ACOT9: variants seen among roughly 807,000 people sequenced by gnomAD.
ACOT9 encodes acyl-CoA thioesterase 9, also known as acyl-coenzyme A thioesterase 9, mitochondrial.
Under a neutral mutation model 39.7 loss-of-function variants are expected in ACOT9, and 34 were observed. That is an observed-to-expected ratio of 0.86 (90% CI 0.65 to 1.14). The LOEUF (loss-of-function observed/expected upper bound fraction) is 1.14, where lower values mean the gene tolerates loss of function less well. Among genes scored for constraint, ACOT9 ranks in the 50% most tolerant of loss-of-function variants. The pLI is 0.00. For missense variants in ACOT9, 313 were observed against 344.1 expected (o/e 0.91, Z 0.71); for synonymous variants, 110 against 120.5 (o/e 0.91, Z 0.57).
In ACOT9 at chrX:23,743,274, A is replaced by T; in HGVS notation, c.-130T>A. On this transcript the variant is annotated 5_prime_UTR_variant, in exon 1 of 16. Coordinates refer to ENST00000379303, the MANE Select transcript of ACOT9 (RefSeq NM_001037171.2). ...GCTGAGGACAGCCCGGGAGCCGGAC[A>T]GCGGTGTCCGGGGGCGGGACCGCGG... The T allele has an allele frequency of 5.9e-6, 5 of 851,452 alleles. No homozygotes were observed. Among genetic ancestry groups the T allele is most frequent in the South Asian group, 4.0e-5 (1 of 25,182 alleles). 70.2% of individuals were successfully genotyped at this position (851,452 alleles called of 1,213,427 possible).
At chrX:23,720,509 C>A (rs1470602444) in intron 8 of ACOT9, among the ~76,000 whole-genome samples, 1 of 111,330 alleles carries the variant, frequency 9.0e-6, no homozygotes, top group Admixed American at 9.7e-5. Context: ...GAGACAGAGA[C>A]ACATGAGAGA....
intron 1 of ACOT9, among the ~76,000 whole-genome samples, chrX:23,739,520 A>G (rs896023667): frequency 4.5e-5 from 5 of 110,975 alleles, no homozygotes; most frequent in Non-Finnish European, 9.4e-5. Context: ...ATCAAAAAGA[A>G]CCAGGCTGGG....
chrX:23,704,540 T>C (rs1027345745), intron 15 of ACOT9, among the ~76,000 whole-genome samples, 154 bp downstream of exon 15: 3 of 110,517 alleles, frequency 2.7e-5, no homozygotes, highest in African/African-American at 9.9e-5. Flanking sequence ...ACAGGCATCT[T>C]TGGCCTTCAG....
At chrX:23,735,105 T>G (rs5925893) in intron 2 of ACOT9, among the ~76,000 whole-genome samples, 21,378 of 103,584 alleles carry the variant, frequency 0.21, 1,995 homozygotes, top group East Asian at 0.4. Context: ...AAACTCCATC[T>G]CTCCTAAAAA....
At chrX:23,713,911 T>C (rs1453644719) in intron 8 of ACOT9, among the ~76,000 whole-genome samples, 1 of 110,772 alleles carries the variant, frequency 9.0e-6, no homozygotes, top group Non-Finnish European at 1.9e-5. Context: ...TGGTGGTGCA[T>C]GCCTGTAGTA....
In ACOT9 at chrX:23,730,727, A is replaced by G. The variant is rs1031953418; in HGVS notation, c.362+89T>C. 5.9e-6 allele frequency: 6 copies of G among 1,012,777 alleles called. No individual in the cohort carries two copies. The East Asian group carries it at 1.6e-4, about 26-fold the overall frequency. 83.5% of individuals were successfully genotyped at this position (1,012,777 alleles called of 1,213,427 possible). On this transcript the variant is annotated intron_variant, in intron 5 of 15. Transcript: ENST00000379303. ...AACCATGGAACTGTACACTTTAAAC[A>G]GGCGAATTGTATGGTGTGTGAATTA...
At chrX:23,742,368 G>C (rs913006187) in intron 1 of ACOT9, among the ~76,000 whole-genome samples, 2 of 110,456 alleles carry the variant, frequency 1.8e-5, no homozygotes, top group Non-Finnish European at 3.8e-5. Flanking sequence ...AACTGGAGCA[G>C]GTGTGAGCCC....
At chrX:23,734,448 T>TACA in intron 2 of ACOT9, 81 bp from the exon 3 acceptor site, 5 of 842,843 alleles carry the variant, frequency 5.9e-6, no homozygotes, top group Non-Finnish European at 8.5e-6. Flanking sequence ...TTTCAAATAC[T>TACA]GTGTTGAGTT....
At chrX:23,741,132 T>A (rs1346519058) in intron 1 of ACOT9, among the ~76,000 whole-genome samples, 2 of 108,744 alleles carry the variant, frequency 1.8e-5, no homozygotes, top group African/African-American at 3.4e-5. Context: ...ATAATAATAA[T>A]AAAAAGATGA....
At chrX:23,721,263 G>A (rs1337274253) in intron 8 of ACOT9, among the ~76,000 whole-genome samples, 6 of 109,488 alleles carry the variant, frequency 5.5e-5, no homozygotes, top group Admixed American at 3.0e-4. Context: ...GCTAATTTTT[G>A]TATTTTTTAA....
chrX:23,727,775 G>T (rs1477147077), intron 6 of ACOT9, among the ~76,000 whole-genome samples: 2 of 107,363 alleles, frequency 1.9e-5, no homozygotes, highest in Non-Finnish European at 3.9e-5. Context: ...GAGGCAGGCA[G>T]ATCACCTGAG....
chrX:23,707,990 C>T, intron 9 of ACOT9, 46 bp from the exon 10 acceptor site: 1 of 1,068,760 alleles, frequency 9.4e-7, no homozygotes, highest in Non-Finnish European at 1.3e-6. Flanking sequence ...ATGCCATTAT[C>T]TAATAAAACT....
In ACOT9 at chrX:23,731,056, C is replaced by T. The variant is rs1601819126; in HGVS notation, c.192-70G>A. The T allele has an allele frequency of 4.4e-5, 40 of 912,333 alleles. No homozygotes were observed. In the East Asian group the frequency reaches 1.3e-3, roughly 30 times the overall value. 75.2% of individuals were successfully genotyped at this position (912,333 alleles called of 1,213,427 possible). A position where few individuals can be genotyped will look rare whatever the true frequency, so the allele number is the denominator to read the frequency against. On this transcript the variant is annotated intron_variant, in intron 4 of 15. Coordinates refer to ENST00000379303, the MANE Select transcript of ACOT9 (RefSeq NM_001037171.2). ...GCCCACAATTCCAGTGGTACACAGG[C>T]CAGTAAGATACCATCAAAGGAGGAA...
intron 9 of ACOT9, among the ~76,000 whole-genome samples, chrX:23,710,591 C>T (rs1054058381): frequency 1.8e-5 from 2 of 112,208 alleles, no homozygotes; most frequent in Admixed American, 9.5e-5. Flanking sequence ...CAGTGGCTCA[C>T]ACCTGTAATC....
Position 23,729,257 on chromosome X carries a change from G to C in ACOT9, c.400+1270C>G, listed in dbSNP as rs752153977. 6.3e-5 allele frequency among the ~76,000 whole-genome samples: 7 copies of C among 111,673 alleles called. No individual in the cohort carries two copies. The South Asian group carries it at 1.9e-3, about 30-fold the overall frequency. On this transcript the variant is annotated intron_variant, in intron 6 of 15. Coordinates refer to ENST00000379303, the MANE Select transcript of ACOT9 (RefSeq NM_001037171.2). ...AGAGCATCCCTTCTGTGACATTCCT[G>C]CCAGAGATGCATAACCCAAAGCTAA...
At chrX:23,737,063 A>G (rs1929968476) in intron 1 of ACOT9, among the ~76,000 whole-genome samples, 1 of 111,585 alleles carries the variant, frequency 9.0e-6, no homozygotes, top group African/African-American at 3.3e-5. Flanking sequence ...CTGTAATCCC[A>G]GCACTTTGAG....
intron 10 of ACOT9, 25 bp downstream of exon 10, chrX:23,707,847 ATTTAT>A (rs777921339): frequency 9.1e-7 from 1 of 1,100,809 alleles, no homozygotes; most frequent in East Asian, 3.2e-5. Flanking sequence ...TGCTTTTCAA[ATTTAT>A]TTTATTATAA....
At chrX:23,730,128 CTT>C (rs1269084252) in intron 6 of ACOT9, among the ~76,000 whole-genome samples, 25 of 80,535 alleles carry the variant, frequency 3.1e-4, no homozygotes, top group Middle Eastern at 0.011. Context: ...GAGTTTCACT[CTT>C]GTTACCCAGG....
intron 4 of ACOT9, among the ~76,000 whole-genome samples, chrX:23,731,555 T>C (rs1929755606): frequency 9.1e-6 from 1 of 110,217 alleles, no homozygotes; most frequent in Non-Finnish European, 1.9e-5. Flanking sequence ...ATCAAAAAGT[T>C]TACTCAAAGA....
Sources: gnomAD v4.1 joint callset for allele counts (sites outside exome capture counted in the v4.1 genomes callset) on GRCh38, gnomAD v4.1.1 for gene constraint, MANE v1.5 for transcripts, NCBI Gene and HGNC (gene_info 2026-07-23, HGNC 2026-07-21) for gene names.